ATL2: variants seen among roughly 807,000 people sequenced by gnomAD.
ATL2 encodes the protein atlastin GTPase 2, also known as atlastin-2.
Under a neutral mutation model 73.9 loss-of-function variants are expected in ATL2, and 31 were observed. That is an observed-to-expected ratio of 0.42 (90% CI 0.32 to 0.57). The LOEUF is 0.57. Among genes scored for constraint, ATL2 ranks in the 20% least tolerant of loss-of-function variants. The pLI, the probability that ATL2 is intolerant of heterozygous loss-of-function variation, is 0.14. For synonymous variants in ATL2, 291 were observed against 237.5 expected, an observed-to-expected ratio of 1.23 and a Z score of -2.07; for missense variants, 738 against 702.6, an observed-to-expected ratio of 1.05 and a Z score of -0.57.
Position 38,318,657 on chromosome 2 carries a change from T to A in ATL2, c.499-18A>T, listed in dbSNP as rs1668157805. 2 of 1,556,608 alleles carry A rather than the reference T, an allele frequency of 1.3e-6. No homozygotes were observed. Among genetic ancestry groups the A allele is most frequent in the East Asian group, 2.2e-5 (1 of 44,636 alleles). Reference sequence around the variant, plus strand: ...ACAGCAACCTAGGAATTTGAGAGTTTAAAATATTTAGTAAAACAGTTGCCA... The same window carrying A: ...ACAGCAACCTAGGAATTTGAGAGTTAAAAATATTTAGTAAAACAGTTGCCA... On this transcript the variant is annotated intron_variant, in intron 3 of 12. Transcript: ENST00000378954.
intron 1 of ATL2, among the ~76,000 whole-genome samples, chr2:38,361,841 T>C (rs562234953): frequency 6.6e-6 from 1 of 152,348 alleles, no homozygotes; most frequent in African/African-American, 2.4e-5. Flanking sequence ...ATTAGTCCCA[T>C]TTCACAGAGA....
intron 2 of ATL2, among the ~76,000 whole-genome samples, chr2:38,332,273 C>T (rs966877782): frequency 1.3e-5 from 2 of 152,200 alleles, no homozygotes; most frequent in Non-Finnish European, 2.9e-5. Context: ...ATAGCACAAT[C>T]AGGGCTCACT....
At chr2:38,371,115 T>C (rs1671664720) in intron 1 of ATL2, among the ~76,000 whole-genome samples, 1 of 152,076 alleles carries the variant, frequency 6.6e-6, no homozygotes, top group East Asian at 1.9e-4. Flanking sequence ...CCATTTACCA[T>C]GCCAACTTTC....
chr2:38,378,124 T>C (rs966425595), upstream of ATL2, among the ~76,000 whole-genome samples: 8 of 152,216 alleles, frequency 5.3e-5, no homozygotes, highest in Admixed American at 1.3e-4. Flanking sequence ...CTGTGAAACA[T>C]GATCCCTTTG....
intron 1 of ATL2, among the ~76,000 whole-genome samples, chr2:38,355,499 A>G (rs1418913669): frequency 1.3e-5 from 2 of 152,170 alleles, no homozygotes; most frequent in Non-Finnish European, 2.9e-5. Flanking sequence ...GAAAAGGTAT[A>G]CTATACAGAC....
At chr2:38,323,665 G>A (rs1028476494) in intron 2 of ATL2, among the ~76,000 whole-genome samples, 7 of 152,126 alleles carry the variant, frequency 4.6e-5, no homozygotes, top group African/African-American at 1.4e-4. Context: ...GCAACAAAGT[G>A]AAACAACTAT....
At chr2:38,333,106 C>T (rs1250779207) in intron 2 of ATL2, among the ~76,000 whole-genome samples, 2 of 152,062 alleles carry the variant, frequency 1.3e-5, no homozygotes, top group Admixed American at 6.6e-5. Flanking sequence ...CTTACACCTA[C>T]AATCCCAGCA....
At chr2:38,327,815 A>G (rs570973971) in intron 2 of ATL2, among the ~76,000 whole-genome samples, 1 of 152,164 alleles carries the variant, frequency 6.6e-6, no homozygotes, top group African/African-American at 2.4e-5. Context: ...GGGTGCCTGT[A>G]ATCCCAGCTA....
At position 38,373,106 on chromosome 2, in the gene ATL2, A is replaced by G. The variant is rs182803438; in HGVS notation, c.118+4037T>C. 5.3e-5 allele frequency among the ~76,000 whole-genome samples: 8 copies of G among 152,334 alleles called. No homozygotes were observed. In the East Asian group the frequency reaches 1.3e-3, roughly 26 times the overall value. ...ATCTGTTTCCCACGACAGCCTTGTT[A>G]CGGATTATCACTACCTTATATGAGG... On this transcript the variant is annotated intron_variant, in intron 1 of 12. Coordinates refer to ENST00000378954, the MANE Select transcript of ATL2 (RefSeq NM_001135673.4).
chr2:38,371,922 A>G (rs1239793064), intron 1 of ATL2, among the ~76,000 whole-genome samples: 2 of 152,066 alleles, frequency 1.3e-5, no homozygotes, highest in Non-Finnish European at 2.9e-5. Context: ...ATAAAAATAA[A>G]ACATCATAGA....
chr2:38,341,751 G>A (rs1204025369), intron 2 of ATL2, among the ~76,000 whole-genome samples: 1 of 152,122 alleles, frequency 6.6e-6, no homozygotes, highest in Non-Finnish European at 1.5e-5. Flanking sequence ...TGATACTCAG[G>A]TATATTTGAG....
chr2:38,372,799 C>T (rs749668350), intron 1 of ATL2, among the ~76,000 whole-genome samples: 1 of 152,180 alleles, frequency 6.6e-6, no homozygotes, highest in African/African-American at 2.4e-5. Context: ...GAATATTTGG[C>T]AGTGGGTTAA....
chr2:38,368,481 A>G (rs981770252), intron 1 of ATL2, among the ~76,000 whole-genome samples: 2 of 150,730 alleles, frequency 1.3e-5, no homozygotes, highest in Non-Finnish European at 3.0e-5. Context: ...CGAACTCCCC[A>G]CCTCAGGTGA....
rs181349662 is a variant in ATL2 at position 38,347,820 on chromosome 2, G to A, written c.119-4308C>T. ...AGCGCTCTGTCACCCAGGCTGGAGT[G>A]CAGTGGTGAGATCTCGACTCACTGC... On this transcript the variant is annotated intron_variant, in intron 1 of 12. Transcript: ENST00000378954. Among the ~76,000 whole-genome samples, 292 of 147,634 alleles carry A rather than the reference G, an allele frequency of 2.0e-3. 1 individual carries two copies. The highest frequency in any genetic ancestry group is 6.9e-3 in the African/African-American group (273 of 39,488).
At chr2:38,349,988 G>C (rs867106632) in intron 1 of ATL2, among the ~76,000 whole-genome samples, 19 of 152,074 alleles carry the variant, frequency 1.2e-4, no homozygotes, top group African/African-American at 4.1e-4. Context: ...TACAGATAAA[G>C]TACTCCATCA....
At chr2:38,296,342 T>C in intron 12 of ATL2, 2 of 1,454,692 alleles carry the variant, frequency 1.4e-6, no homozygotes, top group Admixed American at 2.7e-5. Context: ...ATGAGATGGA[T>C]GTGCAATTCC....
intron 2 of ATL2, among the ~76,000 whole-genome samples, chr2:38,319,481 C>G (rs916149676): frequency 6.6e-6 from 1 of 151,830 alleles, no homozygotes; most frequent in African/African-American, 2.4e-5. Flanking sequence ...CTCCTGTAGT[C>G]CCGGCTACTC....
intron 1 of ATL2, chr2:38,354,194 C>CAAAAAAAAAAA (rs1208475028): frequency 2.4e-6 from 1 of 414,198 alleles, no homozygotes; most frequent in African/African-American, 3.4e-5. Context: ...CAAAAAAAAG[C>CAAAAAAAAAAA]AAAGAGTATC....
chr2:38,378,198 G>A (rs933330680), upstream of ATL2, among the ~76,000 whole-genome samples: 2 of 152,184 alleles, frequency 1.3e-5, no homozygotes, highest in African/African-American at 4.8e-5. Flanking sequence ...AGATGTCCGG[G>A]TGTACAAACA....
Sources: allele counts gnomAD v4.1 joint callset (sites outside exome capture counted in the v4.1 genomes callset), GRCh38; gene constraint gnomAD v4.1.1; transcripts MANE v1.5; gene names NCBI Gene and HGNC (gene_info 2026-07-23, HGNC 2026-07-21).